Variants in ATF7IP observed in about 807,000 individuals in gnomAD.
ATF7IP encodes activating transcription factor 7-interacting protein 1.
In ATF7IP, 23 loss-of-function variants were observed where a neutral mutation model predicts 106.4. The observed-to-expected ratio is 0.22, with a 90% CI of 0.16 to 0.31. The LOEUF is 0.31. Ranked by LOEUF, ATF7IP falls within the 10% of genes least tolerant of loss-of-function variation. ATF7IP has a pLI of 1.00. For synonymous variants in ATF7IP, 542 were observed against 539.0 expected, an observed-to-expected ratio of 1.01 and a Z score of -0.08; for missense variants, 1,334 against 1,524.3, an observed-to-expected ratio of 0.88 and a Z score of 2.08.
chr12:14,494,361 A>G (rs1200874407), intron 13 of ATF7IP, among the ~76,000 whole-genome samples: 3 of 133,950 alleles, frequency 2.2e-5, no homozygotes, highest in Non-Finnish European at 3.2e-5. Flanking sequence ...ATATATACAC[A>G]TATGTTTCCT....
At chr12:14,416,073 A>G (rs935198597) in intron 1 of ATF7IP, among the ~76,000 whole-genome samples, 2 of 152,202 alleles carry the variant, frequency 1.3e-5, no homozygotes, top group Non-Finnish European at 2.9e-5. Flanking sequence ...GGCAGTAAGC[A>G]GTAAAGCAGA....
chr12:14,498,113 C>A lies in ATF7IP; in HGVS notation c.*40C>A. On this transcript the variant is annotated 3_prime_UTR_variant, in exon 15 of 15. Transcript: ENST00000261168. ...ATATTTTCCTCTTTTAAAATTTCCA[C>A]CTTTTGGTCTTGTTTTTAATCTTGT... 3.3e-6 allele frequency: 5 copies of A among 1,513,226 alleles called. No individual in the cohort carries two copies. The highest frequency in any genetic ancestry group is 4.4e-6 in the Non-Finnish European group (5 of 1,129,372). 93.7% of individuals were successfully genotyped at this position (1,513,226 alleles called of 1,614,324 possible). A position where few individuals can be genotyped will look rare whatever the true frequency, so the allele number is the denominator to read the frequency against.
At position 14,423,923 on chromosome 12, in the gene ATF7IP, G is replaced by A; in HGVS notation, c.8G>A (p.Ser3Asn). The change falls in exon 2 of 15, where the codon AGT (serine) becomes AAT (asparagine). Residue 3 changes from serine to asparagine, a missense_variant. Transcript: ENST00000261168. MD[S>N]LEEPQKKVFK... ...TTTTCTTAAAGATTCAGAATGGACA[G>A]TTTAGAAGAACCTCAGAAAAAAGTC... is the stretch of plus-strand genomic sequence containing the variant. 1 of 1,600,672 alleles carries A rather than the reference G, an allele frequency of 6.2e-7. No homozygotes were observed.
chr12:14,425,191 A>G lies in ATF7IP; in HGVS notation c.1276A>G (p.Asn426Asp), dbSNP rs1223203201. The part of the protein sequence containing the change: ...EDNKSENILE[N>D]TDSMETDEII... ...TAACAAAAGTGAGAATATCTTAGAA[A>G]ATACAGACTCTATGGAGACAGATGA... The change falls in exon 2 of 15, where the codon AAT (asparagine) becomes GAT (aspartate). Residue 426 changes from asparagine to aspartate, a missense_variant. Coordinates refer to ENST00000261168, the MANE Select transcript of ATF7IP (RefSeq NM_018179.5). 6.9e-6 allele frequency: 11 copies of G among 1,596,968 alleles called. No homozygotes were observed. The highest frequency in any genetic ancestry group is 9.4e-6 in the Non-Finnish European group (11 of 1,175,378).
intron 3 of ATF7IP, among the ~76,000 whole-genome samples, chr12:14,435,439 G>A (rs1942360727): frequency 6.6e-6 from 1 of 152,170 alleles, no homozygotes; most frequent in African/African-American, 2.4e-5. Flanking sequence ...GAAGATATTA[G>A]TGTTTTAATT....
At chr12:14,427,690 C>T (rs921529014) in intron 2 of ATF7IP, among the ~76,000 whole-genome samples, 5 of 152,088 alleles carry the variant, frequency 3.3e-5, no homozygotes, top group Non-Finnish European at 7.4e-5. Context: ...AATGGCAGCT[C>T]CATCCTACTT....
chr12:14,413,747 C>T (rs1023614027), intron 1 of ATF7IP, among the ~76,000 whole-genome samples: 4 of 151,950 alleles, frequency 2.6e-5, no homozygotes, highest in Non-Finnish European at 1.5e-5. Flanking sequence ...GTTTCTTTTT[C>T]TCCTTTCAAG....
At chr12:14,373,323 A>G (rs1229618246) in intron 1 of ATF7IP, among the ~76,000 whole-genome samples, 1 of 152,174 alleles carries the variant, frequency 6.6e-6, no homozygotes, top group Non-Finnish European at 1.5e-5. Flanking sequence ...TTTCTCATGT[A>G]ACCATACAAA....
At chr12:14,478,768 T>C (rs547839863) in intron 12 of ATF7IP, among the ~76,000 whole-genome samples, 6 of 152,312 alleles carry the variant, frequency 3.9e-5, no homozygotes, top group African/African-American at 1.4e-4. Flanking sequence ...TTCTGAGTTA[T>C]AATATTTAGA....
At chr12:14,369,587 C>G (rs548906281) in intron 1 of ATF7IP, among the ~76,000 whole-genome samples, 1 of 152,332 alleles carries the variant, frequency 6.6e-6, no homozygotes, top group East Asian at 1.9e-4. Flanking sequence ...ATCTGCCTGC[C>G]TTGGCCCCCA....
Position 14,425,295 on chromosome 12 carries a change from C to T in ATF7IP, c.1380C>T (p.Ile460=), listed in dbSNP as rs367845683. ...TTTCTAAAACATCTCTCCTTCCAATCGATGAGACAAATCCAGATTTGGAAG... is the reference window on the plus strand; with the variant it reads ...TTTCTAAAACATCTCTCCTTCCAATTGATGAGACAAATCCAGATTTGGAAG... ...TCFSKTSLLP[I]DETNPDLEEK... is the part of the protein sequence containing the mutation. Residue 460 remains isoleucine (I), a synonymous_variant, in exon 2 of 15, where the codon ATC becomes ATT. Transcript: ENST00000261168. 20 of 1,604,808 alleles carry T rather than the reference C, an allele frequency of 1.2e-5. No homozygotes were observed. In the Admixed American group the frequency reaches 1.4e-4, roughly 11 times the overall value.
rs543768049 is a variant in ATF7IP, at chr12:14,487,321, TA to T, written c.3280+6137del. 1.0e-3 allele frequency among the ~76,000 whole-genome samples: 156 copies of T among 151,482 alleles called. 3 individuals are homozygous for T. The highest frequency in any genetic ancestry group is 3.7e-3 in the African/African-American group (149 of 40,794). Reference sequence around the variant, plus strand: ...TCAAAACAGTTCTCTGAGTGTAGCATACCTCCTTATAGGTCACACCTTCAAC... The same window carrying T: ...TCAAAACAGTTCTCTGAGTGTAGCATCCTCCTTATAGGTCACACCTTCAAC... On this transcript the variant is annotated intron_variant, in intron 13 of 14. Transcript: ENST00000261168.
intron 5 of ATF7IP, 84 bp downstream of exon 5, chr12:14,438,351 A>G (rs1942515831): frequency 3.3e-6 from 4 of 1,199,276 alleles, no homozygotes; most frequent in Non-Finnish European, 4.6e-6. Context: ...GAGATTAACT[A>G]TAAAATACAT....
At chr12:14,480,303 T>TA in intron 12 of ATF7IP, among the ~76,000 whole-genome samples, 1 of 152,298 alleles carries the variant, frequency 6.6e-6, no homozygotes, top group Non-Finnish European at 1.5e-5. Flanking sequence ...TTATTATAGA[T>TA]ACATGCTGTC....
intron 1 of ATF7IP, chr12:14,416,786 A>T (rs1941227309): frequency 5.7e-6 from 2 of 350,512 alleles, no homozygotes; most frequent in Non-Finnish European, 8.0e-6. Context: ...AAGGTTTGTG[A>T]CACTGATGTC....
chr12:14,426,625 G>A (rs1223607081), intron 2 of ATF7IP, among the ~76,000 whole-genome samples: 3 of 148,400 alleles, frequency 2.0e-5, no homozygotes, highest in Non-Finnish European at 4.5e-5. Flanking sequence ...TCAGGAGTTC[G>A]AGACCAGCCT....
intron 6 of ATF7IP, among the ~76,000 whole-genome samples, chr12:14,455,260 C>T (rs1275835796): frequency 4.0e-5 from 6 of 150,100 alleles, no homozygotes; most frequent in Non-Finnish European, 7.4e-5. Context: ...CTTTTTTAAG[C>T]TTTTTGCATT....
Position 14,488,951 on chromosome 12 carries a change from T to C in ATF7IP, c.3281-7280T>C, listed in dbSNP as rs149650678. Among the ~76,000 whole-genome samples the C allele has an allele frequency of 2.3e-3, 350 of 152,344 alleles. 2 individuals carry two copies. Among genetic ancestry groups the C allele is most frequent in the African/African-American group, 8.1e-3 (335 of 41,578 alleles). ...TAGCAAAAGAAGGAGGAAATACTCA[T>C]GACAATTACAGTCCCCATTTCTGCA... On this transcript the variant is annotated intron_variant, in intron 13 of 14. Coordinates refer to ENST00000261168, the MANE Select transcript of ATF7IP (RefSeq NM_018179.5).
rs574394720 is a variant in ATF7IP at position 14,426,590 on chromosome 12, G to T, written c.1558+1117G>T. The stretch of plus-strand genomic sequence containing the variant: ...ACCTATAATCCTAGGACTTTGGGAG[G>T]CTGAGGCAGGCAGATTGCTTGAGCT... On this transcript the variant is annotated intron_variant, in intron 2 of 14. Transcript: ENST00000261168. Among the ~76,000 whole-genome samples the T allele has an allele frequency of 1.5e-4, 22 of 149,534 alleles. No individual in the cohort carries two copies. The South Asian group carries it at 4.5e-3, about 30-fold the overall frequency.
Sources: gnomAD v4.1 joint callset for allele counts (sites outside exome capture counted in the v4.1 genomes callset) on GRCh38, gnomAD v4.1.1 for gene constraint, MANE v1.5 for transcripts, NCBI Gene and HGNC (gene_info 2026-07-23, HGNC 2026-07-21) for gene names.